TANGO6: variants seen among roughly 807,000 people sequenced by gnomAD.
TANGO6 encodes the protein transport and golgi organization 6 homolog.
TANGO6 carries 90 observed loss-of-function variants against 114.2 expected under a neutral mutation model. The observed-to-expected ratio is 0.79, with a 90% CI of 0.66 to 0.94. TANGO6 has a LOEUF of 0.94. Ranked by LOEUF, TANGO6 falls within the 40% of genes least tolerant of loss-of-function variation. TANGO6 has a pLI of 0.00. For missense variants in TANGO6, 1,274 were observed against 1,315.3 expected (o/e 0.97, Z 0.49); for synonymous variants, 477 against 509.8 (o/e 0.94, Z 0.87).
chr16:69,004,278 C>G (rs1349717728), intron 15 of TANGO6, among the ~76,000 whole-genome samples: 4 of 152,076 alleles, frequency 2.6e-5, no homozygotes, highest in Non-Finnish European at 5.9e-5. Context: ...TAGCTTTTAT[C>G]TTGAAACTCT....
chr16:68,977,717 A>T (rs778789224), intron 15 of TANGO6, among the ~76,000 whole-genome samples: 2 of 149,006 alleles, frequency 1.3e-5, no homozygotes, highest in Non-Finnish European at 1.5e-5. Context: ...AAAAAAAGAG[A>T]TGGAGTCACC....
At chr16:69,012,491 G>A (rs1198765841) in intron 15 of TANGO6, among the ~76,000 whole-genome samples, 1 of 147,674 alleles carries the variant, frequency 6.8e-6, no homozygotes, top group Non-Finnish European at 1.5e-5. Flanking sequence ...AGGAGGTGGA[G>A]GTTGCAGGAA....
chr16:68,984,787 G>A (rs763032718), intron 15 of TANGO6, among the ~76,000 whole-genome samples: 1 of 152,044 alleles, frequency 6.6e-6, no homozygotes, highest in Non-Finnish European at 1.5e-5. Context: ...CTCTCAAAGT[G>A]TTGGGATCAC....
intron 3 of TANGO6, among the ~76,000 whole-genome samples, chr16:68,864,098 CAA>C (rs1962141459): frequency 6.6e-6 from 1 of 151,470 alleles, no homozygotes; most frequent in Non-Finnish European, 1.5e-5. Context: ...CGCTTGAACA[CAA>C]GAGGCAGAGG....
intron 15 of TANGO6, 64 bp downstream of exon 15, chr16:68,974,232 A>G: frequency 6.3e-7 from 1 of 1,598,518 alleles, no homozygotes; most frequent in South Asian, 1.1e-5. Flanking sequence ...TGAAACCAAA[A>G]TGTGTGTACC....
chr16:69,050,638 T>C (rs1476543657), intron 17 of TANGO6, among the ~76,000 whole-genome samples: 3 of 152,048 alleles, frequency 2.0e-5, no homozygotes, highest in African/African-American at 7.2e-5. Context: ...TTCAGGCATG[T>C]ACCACCATGC....
At position 68,909,325 on chromosome 16, in the gene TANGO6, C is replaced by T. The variant is rs751547490; in HGVS notation, c.1915C>T (p.Arg639Trp). 2.1e-5 allele frequency: 34 copies of T among 1,608,738 alleles called. No individual in the cohort carries two copies. The highest frequency in any genetic ancestry group is 1.6e-4 in the East Asian group (7 of 44,602). Residue 639 changes from arginine (R) to tryptophan (W), a missense_variant, in exon 11 of 18, where the codon CGG (arginine) becomes TGG (tryptophan). Arg to Trp is a moderately radical substitution (Grantham distance 101). This residue lies in a region of TANGO6 where 908 missense variants were observed against 910.2 expected (regional missense o/e 1.00). Coordinates refer to ENST00000261778, the MANE Select transcript of TANGO6 (RefSeq NM_024562.2). ...HQTLLVEGQE[R>W]KLLVLQLMAV... Reference sequence around the variant, plus strand: ...GACTCTTCTTGTGGAAGGCCAAGAGCGGAAGCTGCTTGTCCTGCAGCTGAT... The same window carrying T: ...GACTCTTCTTGTGGAAGGCCAAGAGTGGAAGCTGCTTGTCCTGCAGCTGAT...
chr16:69,040,342 ATGG>A lies in TANGO6; in HGVS notation c.3032_3034del (p.Gly1011del). On this transcript the variant is annotated inframe_deletion, in exon 17 of 18. Transcript: ENST00000261778. ...TGCCTGATTGCTGTGGCCAAAACAG[ATGG>A]TGAAGTTCAAGTACGCAGAGCTGCC... is the stretch of plus-strand genomic sequence containing the variant. 6.2e-7 allele frequency: 1 copy of A among 1,609,168 alleles called. No homozygotes were observed. The highest frequency in any genetic ancestry group is 8.5e-7 in the Non-Finnish European group (1 of 1,178,022).
chr16:68,977,759 C>G (rs1166899448), intron 15 of TANGO6, among the ~76,000 whole-genome samples: 1 of 151,452 alleles, frequency 6.6e-6, no homozygotes, highest in Non-Finnish European at 1.5e-5. Flanking sequence ...CATCTTAGCT[C>G]ACTGCAGCCT....
chr16:68,955,580 G>A (rs940735134), intron 14 of TANGO6, among the ~76,000 whole-genome samples: 3 of 152,138 alleles, frequency 2.0e-5, no homozygotes, highest in Non-Finnish European at 2.9e-5. Flanking sequence ...GTCAAAAATT[G>A]TACGTGAAAA....
At chr16:68,865,982 C>T (rs1293708220) in intron 3 of TANGO6, among the ~76,000 whole-genome samples, 2 of 152,116 alleles carry the variant, frequency 1.3e-5, no homozygotes, top group African/African-American at 4.8e-5. Context: ...TTGCTAATGC[C>T]ACAGAGGCAA....
At chr16:68,954,301 CA>C (rs893612125) in intron 14 of TANGO6, among the ~76,000 whole-genome samples, 1 of 140,278 alleles carries the variant, frequency 7.1e-6, no homozygotes, top group Non-Finnish European at 1.6e-5. Flanking sequence ...GGATGCGAAA[CA>C]GCAAAGCAGC....
At chr16:68,979,722 G>A (rs540612481) in intron 15 of TANGO6, among the ~76,000 whole-genome samples, 1 of 152,126 alleles carries the variant, frequency 6.6e-6, no homozygotes, top group South Asian at 2.1e-4. Context: ...AATTGATAAG[G>A]TTAAATATTT....
At chr16:68,957,619 G>A (rs968016775) in intron 14 of TANGO6, among the ~76,000 whole-genome samples, 1 of 151,616 alleles carries the variant, frequency 6.6e-6, no homozygotes, top group African/African-American at 2.4e-5. Context: ...GGCTGGTCTC[G>A]AACTCCCAAC....
At chr16:68,853,389 T>C (rs1318375336) in intron 1 of TANGO6, among the ~76,000 whole-genome samples, 1 of 151,888 alleles carries the variant, frequency 6.6e-6, no homozygotes, top group Non-Finnish European at 1.5e-5. Flanking sequence ...AAAACAGATA[T>C]GCATCATTAC....
chr16:69,048,258 A>ATTTTTTTTTTTTTTT (rs71383949), intron 17 of TANGO6, among the ~76,000 whole-genome samples: 1 of 111,664 alleles, frequency 9.0e-6, no homozygotes, highest in African/African-American at 3.9e-5. Flanking sequence ...AATTTTTTGT[A>ATTTTTTTTTTTTTTT]TTTTTTTTTT....
chr16:68,844,420 A>C (rs896129348), intron 1 of TANGO6, among the ~76,000 whole-genome samples: 1 of 152,066 alleles, frequency 6.6e-6, no homozygotes, highest in Non-Finnish European at 1.5e-5. Flanking sequence ...GAATCAGACA[A>C]ATTGTTCAGT....
intron 1 of TANGO6, among the ~76,000 whole-genome samples, chr16:68,852,707 A>C (rs1288507593): frequency 6.6e-6 from 1 of 151,992 alleles, no homozygotes; most frequent in Non-Finnish European, 1.5e-5. Flanking sequence ...GTGGTATGCA[A>C]CTGTGGTCCC....
chr16:68,973,796 G>T, intron 14 of TANGO6: 1 of 545,720 alleles, frequency 1.8e-6, no homozygotes, highest in Non-Finnish European at 3.3e-6. Context: ...TGCTGGGAGT[G>T]ACCTTAGAGA....
Sources: allele counts gnomAD v4.1 joint callset (sites outside exome capture counted in the v4.1 genomes callset), GRCh38; gene constraint gnomAD v4.1.1; regional missense constraint gnomAD v4.1.1; transcripts MANE v1.5; gene names NCBI Gene and HGNC (gene_info 2026-07-23, HGNC 2026-07-21).